Variants in DPP10 observed in about 807,000 individuals in gnomAD.
DPP10 encodes the protein inactive dipeptidyl peptidase 10.
In DPP10, 33 loss-of-function variants were observed where a neutral mutation model predicts 120.9. That is an observed-to-expected ratio of 0.27 (90% CI 0.21 to 0.37). The LOEUF (loss-of-function observed/expected upper bound fraction) is 0.37. DPP10 is among the 10% of genes least tolerant of loss of function. The pLI is 1.00. For synonymous variants in DPP10, 337 were observed against 326.1 expected (o/e 1.03, Z -0.36); for missense variants, 816 against 942.8 (o/e 0.87, Z 1.76).
intron 3 of DPP10, among the ~76,000 whole-genome samples, chr2:115,497,185 A>G (rs751165695): frequency 1.9e-4 from 29 of 152,244 alleles, no homozygotes; most frequent in East Asian, 3.9e-4. Flanking sequence ...AGGAGAATTC[A>G]GGCCTCTTTC....
intron 1 of DPP10, among the ~76,000 whole-genome samples, chr2:114,710,349 A>G (rs1700946125): frequency 6.6e-6 from 1 of 152,232 alleles, no homozygotes; most frequent in African/African-American, 2.4e-5. Flanking sequence ...CTATACAATA[A>G]GTTGCTTGCT....
intron 1 of DPP10, among the ~76,000 whole-genome samples, chr2:114,964,872 A>C (rs1698893073): frequency 6.6e-6 from 1 of 152,218 alleles, no homozygotes; most frequent in Non-Finnish European, 1.5e-5. Flanking sequence ...TAAGAAATAT[A>C]CTGAAAGAAT....
At chr2:114,473,981 A>G (rs1386002132) in intron 1 of DPP10, among the ~76,000 whole-genome samples, 1 of 152,128 alleles carries the variant, frequency 6.6e-6, no homozygotes, top group Non-Finnish European at 1.5e-5. Context: ...TTTCTGAGAT[A>G]GAGTCTCTCT....
rs188182219 is a variant in DPP10 at position 114,766,479 on chromosome 2, A to G, written c.60+323641A>G. On this transcript the variant is annotated intron_variant, in intron 1 of 25. Transcript: ENST00000410059. ...AGAAATGAACTTTTATTCACACAAA[A>G]ACCTGCCTCCTAACATTTATAGCAT... Among the ~76,000 whole-genome samples the G allele has an allele frequency of 2.0e-5, 3 of 152,294 alleles. No homozygotes were observed. The East Asian group carries it at 5.8e-4, about 29-fold the overall frequency.
intron 17 of DPP10, among the ~76,000 whole-genome samples, chr2:115,783,632 C>A (rs920753881): frequency 1.3e-5 from 2 of 152,014 alleles, no homozygotes; most frequent in African/African-American, 4.8e-5. Context: ...ATTTTAGTTT[C>A]TATTTATTTC....
chr2:114,450,045 C>A (rs939150339), intron 1 of DPP10, among the ~76,000 whole-genome samples: 1 of 152,076 alleles, frequency 6.6e-6, no homozygotes, highest in Non-Finnish European at 1.5e-5. Flanking sequence ...CAGTGCTGTG[C>A]TACCAAAATG....
At chr2:114,609,805 T>C (rs1005202462) in intron 1 of DPP10, among the ~76,000 whole-genome samples, 22 of 152,080 alleles carry the variant, frequency 1.4e-4, no homozygotes, top group African/African-American at 5.3e-4. Context: ...TCAACAAGAA[T>C]TGTAAGAAAC....
intron 3 of DPP10, among the ~76,000 whole-genome samples, chr2:115,385,563 G>T (rs1006679627): frequency 2.0e-5 from 3 of 152,024 alleles, no homozygotes; most frequent in South Asian, 2.1e-4. Flanking sequence ...TACCATGTTG[G>T]CCAGGCTGTT....
chr2:114,703,076 A>G (rs1574001531), intron 1 of DPP10, among the ~76,000 whole-genome samples: 1 of 152,160 alleles, frequency 6.6e-6, no homozygotes, highest in Non-Finnish European at 1.5e-5. Context: ...TGTCACCAAG[A>G]AAGTCATTGC....
At chr2:114,790,031 A>G (rs968849747) in intron 1 of DPP10, among the ~76,000 whole-genome samples, 1 of 152,240 alleles carries the variant, frequency 6.6e-6, no homozygotes, top group Non-Finnish European at 1.5e-5. Flanking sequence ...GTCCTTTGTC[A>G]AGTAATTGGA....
chr2:115,657,662 A>G (rs1262182776), intron 5 of DPP10, among the ~76,000 whole-genome samples: 1 of 151,906 alleles, frequency 6.6e-6, no homozygotes, highest in East Asian at 1.9e-4. Flanking sequence ...AAAAGCGTAG[A>G]AGTTTTATTT....
intron 1 of DPP10, among the ~76,000 whole-genome samples, chr2:114,535,923 C>G (rs1459490595): frequency 1.3e-5 from 2 of 152,102 alleles, no homozygotes; most frequent in African/African-American, 4.8e-5. Context: ...GTGTGTGTAT[C>G]CATGGCAGAC....
rs1365390727 is a variant in DPP10, at chr2:115,560,441, TATATAC to T, written c.441+34470_441+34475del. ...ATATATATATATATATATATATATA[TATATAC>T]GACAAGCTACTGATTTAAGGGCAAG... On this transcript the variant is annotated intron_variant, in intron 5 of 25. Coordinates refer to ENST00000410059, the MANE Select transcript of DPP10 (RefSeq NM_020868.6). Among the ~76,000 whole-genome samples the T allele has an allele frequency of 4.9e-3, 411 of 83,760 alleles. 10 individuals carry two copies. Among genetic ancestry groups the T allele is most frequent in the African/African-American group, 0.019 (381 of 20,478 alleles). 54.9% of individuals were successfully genotyped at this position (83,760 alleles called of 152,430 possible).
chr2:114,962,205 G>C (rs1698693900), intron 1 of DPP10, among the ~76,000 whole-genome samples: 1 of 152,080 alleles, frequency 6.6e-6, no homozygotes, highest in Non-Finnish European at 1.5e-5. Flanking sequence ...AAAAAATAAA[G>C]CTGGGGAGAG....
In DPP10 at chr2:115,815,734, A is replaced by G. The variant is rs921302680; in HGVS notation, c.1950+5A>G. ...AGATTAAGCATTTTTGGAAAGGTAA[A>G]TAGTAGAAATGCTGAATCTATCTTT... On this transcript the variant is annotated splice_donor_5th_base_variant and intron_variant, in intron 21 of 25. Transcript: ENST00000410059. 2 of 1,595,854 alleles carry G rather than the reference A, an allele frequency of 1.3e-6. No homozygotes were observed. Among genetic ancestry groups the G allele is most frequent in the Non-Finnish European group, 8.6e-7 (1 of 1,168,760 alleles).
At chr2:115,582,589 A>G (rs989248056) in intron 5 of DPP10, among the ~76,000 whole-genome samples, 1 of 152,012 alleles carries the variant, frequency 6.6e-6, no homozygotes, top group African/African-American at 2.4e-5. Context: ...CTAGATACCT[A>G]CTCTAACAGA....
intron 1 of DPP10, among the ~76,000 whole-genome samples, chr2:115,060,677 G>A (rs140301709): frequency 5.0e-4 from 76 of 152,268 alleles, no homozygotes; most frequent in Admixed American, 1.3e-3. Context: ...CTTTAATAGC[G>A]TTTGCTTTGG....
intron 1 of DPP10, among the ~76,000 whole-genome samples, chr2:114,922,784 C>T (rs1387008044): frequency 6.6e-6 from 1 of 152,048 alleles, no homozygotes; most frequent in Non-Finnish European, 1.5e-5. Flanking sequence ...TTTGTTGATC[C>T]ATTAATCAGT....
At chr2:115,003,618 G>T (rs1701605945) in intron 1 of DPP10, among the ~76,000 whole-genome samples, 1 of 151,882 alleles carries the variant, frequency 6.6e-6, no homozygotes, top group African/African-American at 2.4e-5. Flanking sequence ...AAGAAATCAA[G>T]AGTTCTAGAG....
Sources: gnomAD v4.1 joint callset for allele counts (sites outside exome capture counted in the v4.1 genomes callset) on GRCh38, gnomAD v4.1.1 for gene constraint, MANE v1.5 for transcripts, NCBI Gene and HGNC (gene_info 2026-07-23, HGNC 2026-07-21) for gene names.